The following PEX5L variants were observed in gnomAD, a reference collection of about 807,000 sequenced individuals.
PEX5L encodes the protein PEX5-related protein.
PEX5L carries 30 observed loss-of-function variants against 84.0 expected under a neutral mutation model. That is an observed-to-expected ratio of 0.36 (90% CI 0.27 to 0.48). The LOEUF is 0.48. Ranked by LOEUF, PEX5L falls within the 20% of genes least tolerant of loss-of-function variation. The probability of loss-of-function intolerance (pLI) is 0.99; values close to 1 mark genes in which losing one functional copy is unlikely to be tolerated. For synonymous variants in PEX5L, 270 were observed against 283.1 expected, an observed-to-expected ratio of 0.95 and a Z score of 0.46; for missense variants, 533 against 754.6, an observed-to-expected ratio of 0.71 and a Z score of 3.44.
intron 7 of PEX5L, among the ~76,000 whole-genome samples, chr3:179,867,606 T>C (rs1293888121): frequency 6.6e-6 from 1 of 152,206 alleles, no homozygotes; most frequent in African/African-American, 2.4e-5. Flanking sequence ...ATATTGATAG[T>C]GTATCTAATA....
intron 8 of PEX5L, among the ~76,000 whole-genome samples, chr3:179,848,216 G>A (rs1445363176): frequency 6.6e-6 from 1 of 152,016 alleles, no homozygotes; most frequent in Non-Finnish European, 1.5e-5. Context: ...ATAGGATTTT[G>A]AGCATTCGAC....
chr3:179,898,983 T>C (rs965158781), intron 2 of PEX5L, among the ~76,000 whole-genome samples: 3 of 152,068 alleles, frequency 2.0e-5, no homozygotes, highest in Admixed American at 6.6e-5. Context: ...ATAATTAATA[T>C]TGTGGCACTA....
At position 180,030,058 on chromosome 3, in the gene PEX5L, G is replaced by A. The variant is rs1791312925; in HGVS notation, c.21+6521C>T. On this transcript the variant is annotated intron_variant, in intron 1 of 14. Transcript: ENST00000467460. The stretch of plus-strand genomic sequence containing the variant: ...CTGTTTCTGATCACTTTTCATGACA[G>A]TACTGGCAGGGCTCTGTCAGAGGCT... Among the ~76,000 whole-genome samples the A allele has an allele frequency of 2.0e-5, 3 of 150,966 alleles. No individual in the cohort carries two copies. In the South Asian group the frequency reaches 6.2e-4, roughly 31 times the overall value.
chr3:179,801,712 G>T lies in PEX5L; in HGVS notation c.*116C>A. On this transcript the variant is annotated 3_prime_UTR_variant, in exon 15 of 15. Transcript: ENST00000467460. ...AGGAATTAATTTCCTTGGGCTATATGACCATGGCCTTTTGAATATTTGATT... is the reference window on the plus strand; with the variant it reads ...AGGAATTAATTTCCTTGGGCTATATTACCATGGCCTTTTGAATATTTGATT... 2.6e-6 allele frequency: 2 copies of T among 770,062 alleles called. No homozygotes were observed. Among genetic ancestry groups the T allele is most frequent in the Non-Finnish European group, 2.2e-6 (1 of 448,226 alleles). The allele number at this position is 770,062 out of a possible 1,614,324, so 47.7% of individuals were successfully genotyped here.
chr3:180,026,133 C>CTTTTTTT (rs368852075), intron 1 of PEX5L, among the ~76,000 whole-genome samples: 22 of 101,724 alleles, frequency 2.2e-4, no homozygotes, highest in Non-Finnish European at 2.6e-4. Context: ...TTTCAGCATT[C>CTTTTTTT]TTTTTTTTTT....
chr3:179,880,154 C>G, intron 4 of PEX5L, 31 bp from the exon 5 acceptor site: 1 of 1,313,988 alleles, frequency 7.6e-7, no homozygotes, highest in Non-Finnish European at 1.1e-6. Flanking sequence ...TAAGATAAGC[C>G]CATTTACTAC....
chr3:179,914,571 G>C (rs755791549), intron 2 of PEX5L, among the ~76,000 whole-genome samples: 1 of 152,166 alleles, frequency 6.6e-6, no homozygotes, highest in Non-Finnish European at 1.5e-5. Flanking sequence ...TTAAATGAAG[G>C]CTTACTGGAT....
At position 179,915,869 on chromosome 3, in the gene PEX5L, T is replaced by C. The variant is rs78836640; in HGVS notation, c.94-17623A>G. Among the ~76,000 whole-genome samples the C allele has an allele frequency of 3.0e-3, 462 of 152,338 alleles. 2 individuals are homozygous for C. The highest frequency in any genetic ancestry group is 0.011 in the African/African-American group (449 of 41,580). On this transcript the variant is annotated intron_variant, in intron 2 of 14. Coordinates refer to ENST00000467460, the MANE Select transcript of PEX5L (RefSeq NM_016559.3). ...TGATGGTCCAAAGAAGAGATGGGCA[T>C]CAGAGCATCCAGTTAATAAAAATAA...
chr3:179,955,241 A>C (rs1780191879), intron 2 of PEX5L, among the ~76,000 whole-genome samples: 1 of 152,194 alleles, frequency 6.6e-6, no homozygotes, highest in African/African-American at 2.4e-5. Context: ...ATTTGTGGTT[A>C]CTAACCTTTG....
intron 9 of PEX5L, among the ~76,000 whole-genome samples, chr3:179,817,416 A>G (rs1560213770): frequency 6.6e-6 from 1 of 152,146 alleles, no homozygotes; most frequent in Non-Finnish European, 1.5e-5. Context: ...ATTGATGAAC[A>G]TTCAGGTTAT....
chr3:179,920,051 C>T (rs1315552704), intron 2 of PEX5L, among the ~76,000 whole-genome samples: 1 of 152,176 alleles, frequency 6.6e-6, no homozygotes, highest in Non-Finnish European at 1.5e-5. Flanking sequence ...CCTTTCTTAA[C>T]TCTGTGCAGA....
chr3:180,024,373 T>TATATATATATATATATATATACAC (rs1396023654), intron 1 of PEX5L, among the ~76,000 whole-genome samples: 4 of 78,992 alleles, frequency 5.1e-5, no homozygotes, highest in African/African-American at 1.9e-4. Flanking sequence ...TATATATATA[T>TATATATATATATATATATATACAC]ACACACACAA....
intron 3 of PEX5L, among the ~76,000 whole-genome samples, chr3:179,891,894 C>T (rs1578113397): frequency 6.6e-6 from 1 of 152,248 alleles, no homozygotes; most frequent in East Asian, 1.9e-4. Flanking sequence ...TTGAGTCTCC[C>T]AATTATTCCC....
intron 1 of PEX5L, among the ~76,000 whole-genome samples, chr3:179,986,152 T>C (rs1265037214): frequency 7.0e-6 from 1 of 143,884 alleles, no homozygotes; most frequent in Admixed American, 7.1e-5. Flanking sequence ...AGGAACAATC[T>C]CATGTAATTT....
intron 8 of PEX5L, among the ~76,000 whole-genome samples, chr3:179,854,176 T>C (rs905614654): frequency 3.3e-5 from 5 of 151,290 alleles, no homozygotes; most frequent in African/African-American, 1.2e-4. Flanking sequence ...TGTTAAGATA[T>C]GGAGGAAAAG....
intron 1 of PEX5L, among the ~76,000 whole-genome samples, chr3:179,985,854 G>C (rs1368833612): frequency 6.6e-6 from 1 of 152,032 alleles, no homozygotes; most frequent in Non-Finnish European, 1.5e-5. Flanking sequence ...TCTGACCCAG[G>C]CTTCCAGTCC....
At chr3:179,973,992 C>T in intron 1 of PEX5L, 2 of 985,428 alleles carry the variant, frequency 2.0e-6, no homozygotes, top group Non-Finnish European at 2.4e-6. Flanking sequence ...CTTTTCTAAG[C>T]CATAATGGTA....
chr3:179,957,639 A>C (rs73883431), intron 2 of PEX5L, among the ~76,000 whole-genome samples: 63 of 152,354 alleles, frequency 4.1e-4, no homozygotes, highest in African/African-American at 1.5e-3. Flanking sequence ...ATATACTCCC[A>C]TAACAGAAAG....
chr3:179,996,657 G>C (rs1319842627), intron 1 of PEX5L, among the ~76,000 whole-genome samples: 1 of 152,152 alleles, frequency 6.6e-6, no homozygotes, highest in Admixed American at 6.5e-5. Flanking sequence ...CTGCATCTTT[G>C]AAGAGCCCTG....
Sources: gnomAD v4.1 joint callset for allele counts (sites outside exome capture counted in the v4.1 genomes callset) on GRCh38, gnomAD v4.1.1 for gene constraint, MANE v1.5 for transcripts, NCBI Gene and HGNC (gene_info 2026-07-23, HGNC 2026-07-21) for gene names.